The following PRXL2A variants were observed in gnomAD, a reference collection of about 807,000 sequenced individuals.
The protein encoded by PRXL2A is peroxiredoxin-like 2A.
A neutral mutation model predicts 25.6 loss-of-function variants in PRXL2A; 26 were observed. That is an observed-to-expected ratio of 1.02 (90% CI 0.74 to 1.41). PRXL2A has a LOEUF of 1.41. Ranked by LOEUF, PRXL2A falls within the 40% of genes most tolerant of loss-of-function variation. The pLI is 0.00. For synonymous variants in PRXL2A, 98 were observed against 102.9 expected, an observed-to-expected ratio of 0.95 and a Z score of 0.29; for missense variants, 246 against 273.9, an observed-to-expected ratio of 0.90 and a Z score of 0.72.
intron 1 of PRXL2A, among the ~76,000 whole-genome samples, chr10:80,416,863 C>T (rs964878291): frequency 1.3e-5 from 2 of 151,818 alleles, no homozygotes; most frequent in African/African-American, 4.8e-5. Flanking sequence ...TAGATGGTGC[C>T]ATTTATTGGT....
chr10:80,422,381 G>C (rs769020531), intron 2 of PRXL2A, 36 bp from the exon 3 acceptor site: 1 of 1,532,838 alleles, frequency 6.5e-7, no homozygotes, highest in Non-Finnish European at 9.0e-7. Flanking sequence ...GGCTGGGCTG[G>C]GAGGAGATAT....
At chr10:80,411,125 TG>T (rs1844465142) in intron 1 of PRXL2A, among the ~76,000 whole-genome samples, 1 of 151,752 alleles carries the variant, frequency 6.6e-6, no homozygotes, top group African/African-American at 2.4e-5. Context: ...AAGACAAGGG[TG>T]GGTGGAAGGG....
Position 80,436,951 on chromosome 10 carries a change from T to A in PRXL2A, c.*4852T>A, listed in dbSNP as rs1845418136. 6.6e-6 allele frequency: 1 copy of A among 152,280 alleles called. No individual in the cohort carries two copies. The highest frequency in any genetic ancestry group is 2.4e-5 in the African/African-American group (1 of 41,458). 9.4% of individuals were successfully genotyped at this position (152,280 alleles called of 1,614,324 possible). On this transcript the variant is annotated 3_prime_UTR_variant, in exon 6 of 6. Coordinates refer to ENST00000606162, the MANE Select transcript of PRXL2A (RefSeq NM_032333.5). ...TGCTGGGTTTCCCCTCTCAGTCTATTACTATTAGATCATACCCTTCTTGTC... is the reference window on the plus strand; with the variant it reads ...TGCTGGGTTTCCCCTCTCAGTCTATAACTATTAGATCATACCCTTCTTGTC...
intron 1 of PRXL2A, among the ~76,000 whole-genome samples, chr10:80,414,078 G>A (rs551335180): frequency 3.3e-5 from 5 of 152,280 alleles, no homozygotes; most frequent in Admixed American, 2.0e-4. Context: ...ATGTCACTGG[G>A]GATCATTAGG....
At chr10:80,423,305 CTG>C (rs1844929391) in intron 3 of PRXL2A, among the ~76,000 whole-genome samples, 1 of 152,210 alleles carries the variant, frequency 6.6e-6, no homozygotes, top group Admixed American at 6.5e-5. Context: ...GGTAGGCAAA[CTG>C]AGGACCAGAG....
Position 80,422,990 on chromosome 10 carries a change from C to T in PRXL2A, c.270+482C>T, listed in dbSNP as rs574111146. ...TCCTTGGGGAGCTCTTAGAGTCCAT[C>T]GTGGACAGCTGAGAGCCACATTCTC... On this transcript the variant is annotated intron_variant, in intron 3 of 5. Transcript: ENST00000606162. 3.3e-5 allele frequency among the ~76,000 whole-genome samples: 5 copies of T among 152,298 alleles called. No individual in the cohort carries two copies. In the South Asian group the frequency reaches 6.2e-4, roughly 19 times the overall value.
chr10:80,430,985 C>T (rs10887865), intron 5 of PRXL2A, among the ~76,000 whole-genome samples: 52,998 of 151,958 alleles, frequency 0.35, 10,976 homozygotes, highest in East Asian at 0.83. Context: ...CGCCTCCCAG[C>T]CTCCCAGGTT....
chr10:80,423,150 G>C (rs1393852872), intron 3 of PRXL2A, among the ~76,000 whole-genome samples: 1 of 152,230 alleles, frequency 6.6e-6, no homozygotes, highest in Non-Finnish European at 1.5e-5. Context: ...GTGGTCTCCA[G>C]GTTGGCCCCT....
Position 80,420,619 on chromosome 10 carries a change from A to G in PRXL2A, c.152A>G (p.Asp51Gly). ...PQKAALEYLE[D>G]IDLKTLEKEP... ...AAAGCGGCCCTGGAGTACCTGGAGG[A>G]TATAGACCTGAAAACACTGGAGAAG... The change falls in exon 2 of 6, where the codon GAT (aspartate) becomes GGT (glycine). Residue 51 changes from aspartate to glycine, a missense_variant. Coordinates refer to ENST00000606162, the MANE Select transcript of PRXL2A (RefSeq NM_032333.5). 6.2e-7 allele frequency: 1 copy of G among 1,611,784 alleles called. No individual in the cohort carries two copies. The highest frequency in any genetic ancestry group is 2.2e-5 in the East Asian group (1 of 44,786).
intron 2 of PRXL2A, 80 bp downstream of exon 2, chr10:80,420,725 C>A: frequency 9.2e-7 from 1 of 1,092,750 alleles, no homozygotes; most frequent in Non-Finnish European, 1.2e-6. Context: ...TAAACTCTCT[C>A]CTTTTTTTAA....
intron 1 of PRXL2A, chr10:80,420,117 A>G (rs1002590260): frequency 5.0e-6 from 5 of 996,090 alleles, no homozygotes; most frequent in African/African-American, 1.7e-5. Flanking sequence ...TAGTCTGCCT[A>G]CAGGGGACAT....
At chr10:80,413,207 G>A (rs1485798865) in intron 1 of PRXL2A, among the ~76,000 whole-genome samples, 5 of 151,314 alleles carry the variant, frequency 3.3e-5, no homozygotes, top group Non-Finnish European at 7.4e-5. Context: ...TTTGGATGTG[G>A]TACAACCAAG....
chr10:80,420,926 CTGT>C (rs1844840943), intron 2 of PRXL2A, among the ~76,000 whole-genome samples: 2 of 152,146 alleles, frequency 1.3e-5, no homozygotes, highest in South Asian at 4.1e-4. Flanking sequence ...TTCTCATTCT[CTGT>C]TGTTGTCTCT....
At chr10:80,425,253 C>T (rs1845002813) in intron 3 of PRXL2A, among the ~76,000 whole-genome samples, 1 of 152,226 alleles carries the variant, frequency 6.6e-6, no homozygotes, top group Non-Finnish European at 1.5e-5. Flanking sequence ...TGCATCTCAG[C>T]TCAGCTGCAT....
chr10:80,427,787 A>C (rs1037288117), intron 5 of PRXL2A, among the ~76,000 whole-genome samples: 6 of 152,204 alleles, frequency 3.9e-5, no homozygotes, highest in African/African-American at 1.4e-4. Flanking sequence ...GAGCAGCTGC[A>C]CAAGGAGCAC....
At chr10:80,425,406 A>G (rs987731951) in intron 3 of PRXL2A, among the ~76,000 whole-genome samples, 1 of 152,256 alleles carries the variant, frequency 6.6e-6, no homozygotes, top group Non-Finnish European at 1.5e-5. Context: ...GTAAGAGACA[A>G]CACTCAACTT....
chr10:80,411,379 C>T (rs1844472064), intron 1 of PRXL2A, among the ~76,000 whole-genome samples: 1 of 152,230 alleles, frequency 6.6e-6, no homozygotes, highest in South Asian at 2.1e-4. Context: ...GGCAGTCTTG[C>T]TCTTAGCTTG....
chr10:80,428,623 T>A (rs904195578), intron 5 of PRXL2A, among the ~76,000 whole-genome samples: 1 of 151,856 alleles, frequency 6.6e-6, no homozygotes, highest in African/African-American at 2.4e-5. Context: ...GAGCTGAGAT[T>A]GTGCCACTGA....
chr10:80,418,301 A>T (rs1217530595), intron 1 of PRXL2A, among the ~76,000 whole-genome samples: 1 of 152,202 alleles, frequency 6.6e-6, no homozygotes, highest in Non-Finnish European at 1.5e-5. Context: ...TAGTTCACTT[A>T]GGATGATGGT....
Sources: gnomAD v4.1 joint callset for allele counts (sites outside exome capture counted in the v4.1 genomes callset) on GRCh38, gnomAD v4.1.1 for gene constraint, MANE v1.5 for transcripts, NCBI Gene and HGNC (gene_info 2026-07-23, HGNC 2026-07-21) for gene names.